The following ZNF638 variants were observed in gnomAD, a reference collection of about 807,000 sequenced individuals.
ZNF638 encodes the protein zinc finger protein 638.
A neutral mutation model predicts 195.6 loss-of-function variants in ZNF638; 46 were observed. The ratio of observed to expected loss-of-function variants is 0.24; its 90% CI spans 0.19 to 0.30. ZNF638 has a LOEUF of 0.30. Among genes scored for constraint, ZNF638 ranks in the 10% least tolerant of loss-of-function variants. ZNF638 has a pLI of 1.00. For synonymous variants in ZNF638, 845 were observed against 772.0 expected, an observed-to-expected ratio of 1.09 and a Z score of -1.57; for missense variants, 2,440 against 2,325.3, an observed-to-expected ratio of 1.05 and a Z score of -1.01.
rs372405521 is a variant in ZNF638, at chr2:71,400,542, T to G, written c.2697+24T>G. The G allele has an allele frequency of 2.0e-5, 32 of 1,586,552 alleles. 1 individual carries two copies. The African/African-American group carries it at 3.7e-4, about 18-fold the overall frequency. ...AGGTCAGTTTTCATGTTTTATTTAT[T>G]TCTTTAAAGCTCAAGACATTTTAAC... On this transcript the variant is annotated intron_variant, in intron 15 of 27. Coordinates refer to ENST00000264447, the MANE Select transcript of ZNF638 (RefSeq NM_014497.5).
At position 71,368,497 on chromosome 2, in the gene ZNF638, A is replaced by G. The variant is rs376841083; in HGVS notation, c.2111A>G (p.Asn704Ser). ...RKLFQPFGKV[N>S]DVLIVPYRKE... is the part of the protein sequence containing the mutation. The stretch of plus-strand genomic sequence containing the variant: ...TTATTTCAACCATTTGGGAAAGTGA[A>G]TGATGTCCTAATTGTTCCATATAGA... The change falls in exon 7 of 28, where the codon AAT (asparagine) becomes AGT (serine). Residue 704 changes from asparagine (N) to serine (S), a missense_variant. Transcript: ENST00000264447. 8 of 1,613,312 alleles carry G rather than the reference A, an allele frequency of 5.0e-6. No individual in the cohort carries two copies. The East Asian group carries it at 1.3e-4, about 27-fold the overall frequency.
chr2:71,400,155 A>G lies in ZNF638; in HGVS notation c.2631A>G (p.Glu877=). The change falls in exon 14 of 28, where the codon GAA becomes GAG. Residue 877 remains glutamate, a synonymous_variant. Coordinates refer to ENST00000264447, the MANE Select transcript of ZNF638 (RefSeq NM_014497.5). ...IKTSIEVKAT[E]NCAKEAISDA... is the part of the protein sequence containing the mutation. ...CCAGTATTGAAGTCAAAGCCACTGA[A>G]AACTGTGCTAAAGAAGCTATTTCTG... 1 of 1,608,256 alleles carries G rather than the reference A, an allele frequency of 6.2e-7. No homozygotes were observed. Among genetic ancestry groups the G allele is most frequent in the Non-Finnish European group, 8.5e-7 (1 of 1,177,730 alleles).
At chr2:71,367,666 C>A (rs1027271740) in intron 6 of ZNF638, among the ~76,000 whole-genome samples, 1 of 151,552 alleles carries the variant, frequency 6.6e-6, no homozygotes, top group Non-Finnish European at 1.5e-5. Flanking sequence ...GTCTCGAACA[C>A]CTGACCTTGT....
chr2:71,347,114 T>C (rs180933217), intron 1 of ZNF638, among the ~76,000 whole-genome samples: 98 of 152,202 alleles, frequency 6.4e-4, no homozygotes, highest in Middle Eastern at 3.4e-3. Flanking sequence ...CCTTGAAGGA[T>C]GAATAAAGTC....
intron 7 of ZNF638, among the ~76,000 whole-genome samples, chr2:71,369,320 C>T (rs2079265053): frequency 1.3e-5 from 1 of 75,016 alleles, no homozygotes; most frequent in African/African-American, 5.3e-5. Context: ...AAGGCTCCGT[C>T]TCAAAAAAAA....
intron 11 of ZNF638, among the ~76,000 whole-genome samples, chr2:71,397,472 G>A (rs190158300): frequency 2.2e-4 from 33 of 152,236 alleles, no homozygotes; most frequent in Admixed American, 3.9e-4. Context: ...ACTTTCAGTT[G>A]ATTTTTTTAG....
At chr2:71,377,669 C>T (rs986321042) in intron 8 of ZNF638, among the ~76,000 whole-genome samples, 1 of 152,092 alleles carries the variant, frequency 6.6e-6, no homozygotes, top group African/African-American at 2.4e-5. Context: ...GAGGTGTGAT[C>T]CTACTCTTGG....
At chr2:71,406,049 AG>A in intron 18 of ZNF638, 78 bp from the exon 19 acceptor site, 3 of 1,524,144 alleles carry the variant, frequency 2.0e-6, no homozygotes, top group Non-Finnish European at 2.7e-6. Context: ...CCTCTGTAAT[AG>A]TAAGTTAATG....
chr2:71,351,724 C>T (rs747524911), intron 2 of ZNF638, among the ~76,000 whole-genome samples: 5 of 152,052 alleles, frequency 3.3e-5, no homozygotes, highest in Non-Finnish European at 5.9e-5. Flanking sequence ...GGTACTGGGG[C>T]AGAAATGAGG....
In ZNF638 at chr2:71,406,239, G is replaced by GT; in HGVS notation, c.3113dup (p.Phe1039IlefsTer4). The GT allele has an allele frequency of 6.2e-7, 1 of 1,612,190 alleles. No individual in the cohort carries two copies. The highest frequency in any genetic ancestry group is 8.5e-7 in the Non-Finnish European group (1 of 1,178,350). ...TCAGTTTGGAAAAGTGGATCACCATGTATTCATAAGTAATAGAAACAAGGT... is the reference window on the plus strand; with the variant it reads ...TCAGTTTGGAAAAGTGGATCACCATGTTATTCATAAGTAATAGAAACAAGGT... On this transcript the variant is annotated frameshift_variant, in exon 19 of 28. Transcript: ENST00000264447. LOFTEE classifies it high-confidence loss of function.
intron 17 of ZNF638, among the ~76,000 whole-genome samples, chr2:71,404,934 A>T (rs1017464535): frequency 6.6e-6 from 1 of 152,208 alleles, no homozygotes; most frequent in Admixed American, 6.5e-5. Flanking sequence ...AGGTAGAAAT[A>T]TTATATCCTT....
intron 17 of ZNF638, among the ~76,000 whole-genome samples, chr2:71,404,325 A>G (rs1292352541): frequency 1.3e-5 from 2 of 151,854 alleles, no homozygotes; most frequent in Non-Finnish European, 2.9e-5. Flanking sequence ...TTTTTCTCTC[A>G]TTTCTTAAAT....
intron 1 of ZNF638, among the ~76,000 whole-genome samples, chr2:71,344,237 A>T (rs1159740363): frequency 1.3e-5 from 2 of 152,216 alleles, no homozygotes; most frequent in Non-Finnish European, 2.9e-5. Context: ...ATGGATTCTG[A>T]TTCTGGTCAT....
At chr2:71,391,710 G>A (rs1177704710) in intron 10 of ZNF638, among the ~76,000 whole-genome samples, 2 of 152,072 alleles carry the variant, frequency 1.3e-5, no homozygotes, top group African/African-American at 4.8e-5. Flanking sequence ...AAAAATTACT[G>A]GGTGATATTA....
chr2:71,389,548 T>C (rs1313940105), intron 10 of ZNF638, among the ~76,000 whole-genome samples: 1 of 152,108 alleles, frequency 6.6e-6, no homozygotes, highest in African/African-American at 2.4e-5. Flanking sequence ...CCAGAATCAA[T>C]TGGCCGGGCA....
chr2:71,376,245 A>G (rs1038729040), intron 8 of ZNF638: 1 of 152,250 alleles, frequency 6.6e-6, no homozygotes, highest in African/African-American at 2.4e-5. Flanking sequence ...CTTCAGCTAA[A>G]TGTTGTTTGG....
chr2:71,418,477 C>A (rs1347450466), intron 20 of ZNF638, 125 bp from the exon 21 acceptor site: 2 of 599,764 alleles, frequency 3.3e-6, no homozygotes, highest in African/African-American at 2.0e-5. Flanking sequence ...TGAAAACTAG[C>A]TGCTTTGATA....
At chr2:71,432,813 T>A (rs886115884) in intron 26 of ZNF638, among the ~76,000 whole-genome samples, 3 of 152,210 alleles carry the variant, frequency 2.0e-5, no homozygotes, top group Non-Finnish European at 4.4e-5. Context: ...GAAGGCCAGT[T>A]GTGGCTCACA....
At chr2:71,359,603 C>T (rs1161893324) in intron 3 of ZNF638, among the ~76,000 whole-genome samples, 4 of 152,198 alleles carry the variant, frequency 2.6e-5, no homozygotes, top group Non-Finnish European at 5.9e-5. Context: ...ATCTAAGCAT[C>T]CCTCAATCTA....
Sources: gnomAD v4.1 joint callset for allele counts (sites outside exome capture counted in the v4.1 genomes callset) on GRCh38, gnomAD v4.1.1 for gene constraint, MANE v1.5 for transcripts, NCBI Gene and HGNC (gene_info 2026-07-23, HGNC 2026-07-21) for gene names.